The following MRM1 variants were observed in gnomAD, a reference collection of about 807,000 sequenced individuals.
MRM1 encodes rRNA methyltransferase 1, mitochondrial.
A neutral mutation model predicts 25.0 loss-of-function variants in MRM1; 24 were observed. The ratio of observed to expected loss-of-function variants is 0.96; its 90% CI spans 0.69 to 1.35. The LOEUF (loss-of-function observed/expected upper bound fraction) is 1.35. Among genes scored for constraint, MRM1 ranks in the 40% most tolerant of loss-of-function variants. The pLI is 0.00. For synonymous variants in MRM1, 188 were observed against 199.2 expected (o/e 0.94, Z 0.47); for missense variants, 431 against 464.1 (o/e 0.93, Z 0.65).
At position 36,602,635 on chromosome 17, in the gene MRM1, G is replaced by A. The variant is rs749460262; in HGVS notation, c.625G>A (p.Gly209Arg). 1.1e-4 allele frequency: 178 copies of A among 1,614,150 alleles called. No homozygotes were observed. Among genetic ancestry groups the A allele is most frequent in the Non-Finnish European group, 1.4e-4 (167 of 1,180,006 alleles). The change falls in exon 2 of 5, where the codon GGA (glycine) becomes AGA (arginine). Residue 209 changes from glycine to arginine, a missense_variant. Gly to Arg is a moderately radical substitution (Grantham distance 125). Transcript: ENST00000614766. The surrounding 1 kb of genome is among the most constrained non-coding windows in gnomAD (Gnocchi z 4.1). The stretch of plus-strand genomic sequence containing the variant: ...CGTGTTCTCCACTGATGACCTCACC[G>A]GATTTTTACAGGTAATGAGGGGCAA... ...MDVFSTDDLT[G>R]FLQTKAQQGW...
Position 36,606,910 on chromosome 17 carries a change from T to TG in MRM1, c.637-760_637-759insG, listed in dbSNP as rs2074934227. On this transcript the variant is annotated intron_variant, in intron 2 of 4. Coordinates refer to ENST00000614766, the MANE Select transcript of MRM1 (RefSeq NM_024864.5). Reference sequence around the variant, plus strand: ...ACAGGCGTGAGCTACTGCGCCTGGTTTTTTGTTTTTTTTTTTAATTTGAGA... The same window carrying TG: ...ACAGGCGTGAGCTACTGCGCCTGGTTGTTTTGTTTTTTTTTTTAATTTGAGA... Among the ~76,000 whole-genome samples, 5 of 139,534 alleles carry TG rather than the reference T, an allele frequency of 3.6e-5. No homozygotes were observed. The South Asian group carries it at 1.2e-3, about 34-fold the overall frequency. The allele number at this position is 139,534 out of a possible 152,430, so 91.5% of individuals were successfully genotyped here.
chr17:36,608,164 G>C, intron 4 of MRM1, 79 bp from the exon 5 acceptor site: 1 of 1,518,248 alleles, frequency 6.6e-7, no homozygotes, highest in South Asian at 1.3e-5. Context: ...GATGAGATGA[G>C]GGGCTGCCTG....
chr17:36,616,795 A>G, the MRM1 span, among the ~76,000 whole-genome samples: 7 of 152,138 alleles, frequency 4.6e-5, no homozygotes, highest in African/African-American at 1.7e-4. Flanking sequence ...CAGTGATGCA[A>G]TCATAGCTCA....
At chr17:36,615,255 T>C in the MRM1 span, among the ~76,000 whole-genome samples, 53,949 of 152,108 alleles carry the variant, frequency 0.35, 11,516 homozygotes, top group African/African-American at 0.61. Flanking sequence ...CTCTCTGCAG[T>C]CTGGCCCTTC....
Position 36,601,861 on chromosome 17 carries a change from C to G in MRM1, c.51C>G (p.Thr17=), listed in dbSNP as rs150494595. The G allele has an allele frequency of 1.2e-6, 2 of 1,601,202 alleles. No individual in the cohort carries two copies. The highest frequency in any genetic ancestry group is 1.7e-6 in the Non-Finnish European group (2 of 1,175,306). ...GCGCGACCTGGGGTCGCCTCGTCAC[C>G]CGTCATTTCTCCCATGCAGCGCGGC... ...VRGATWGRLV[T]RHFSHAARHG... The change falls in exon 1 of 5, where the codon ACC becomes ACG. Residue 17 remains threonine (T), a synonymous_variant. Transcript: ENST00000614766.
chr17:36,633,089 C>T, the MRM1 span, among the ~76,000 whole-genome samples: 14 of 152,330 alleles, frequency 9.2e-5, no homozygotes, highest in South Asian at 4.1e-4. Flanking sequence ...CTTGAATCCC[C>T]GATTTGCTTT....
Position 36,601,890 on chromosome 17 carries a change from G to C in MRM1, c.80G>C (p.Gly27Ala). 6.2e-7 allele frequency: 1 copy of C among 1,610,546 alleles called. No homozygotes were observed. The highest frequency in any genetic ancestry group is 1.1e-5 in the South Asian group (1 of 90,988). Reference sequence around the variant, plus strand: ...CATTTCTCCCATGCAGCGCGGCATGGGGAGCGGCCTGGTGGGGAGGAGCTA... The same window carrying C: ...CATTTCTCCCATGCAGCGCGGCATGCGGAGCGGCCTGGTGGGGAGGAGCTA... ...TRHFSHAARH[G>A]ERPGGEELSR... Residue 27 changes from glycine (G) to alanine (A), a missense_variant, in exon 1 of 5, where the codon GGG (glycine) becomes GCG (alanine). By Grantham distance (60) the Gly-to-Ala change is moderately conservative (BLOSUM62 0). Transcript: ENST00000614766.
the MRM1 span, among the ~76,000 whole-genome samples, chr17:36,623,935 C>T: frequency 6.6e-6 from 1 of 152,256 alleles, no homozygotes; most frequent in Non-Finnish European, 1.5e-5. Context: ...AGATCCCATG[C>T]ACCGTCTTCC....
the MRM1 span, among the ~76,000 whole-genome samples, chr17:36,631,687 A>G: frequency 6.6e-6 from 1 of 152,186 alleles, no homozygotes; most frequent in South Asian, 2.1e-4. Context: ...CTGGCAGTTC[A>G]TGTTAGGAGT....
intron 2 of MRM1, among the ~76,000 whole-genome samples, chr17:36,603,717 T>G (rs2074903431): frequency 6.6e-6 from 1 of 152,216 alleles, no homozygotes; most frequent in Non-Finnish European, 1.5e-5. Context: ...ATATTATTAA[T>G]GAAATATTTT....
the MRM1 span, among the ~76,000 whole-genome samples, chr17:36,630,404 G>A: frequency 1.3e-5 from 2 of 152,174 alleles, no homozygotes; most frequent in African/African-American, 2.4e-5. Flanking sequence ...TGACTGCTCC[G>A]CTTGCCCGCT....
the MRM1 span, among the ~76,000 whole-genome samples, chr17:36,622,566 C>A: frequency 6.9e-6 from 1 of 145,726 alleles, no homozygotes; most frequent in Non-Finnish European, 1.5e-5. Flanking sequence ...AGCAAGACTC[C>A]GTCTCAAAAA....
chr17:36,630,896 C>T, the MRM1 span, among the ~76,000 whole-genome samples: 50 of 152,104 alleles, frequency 3.3e-4, no homozygotes, highest in Admixed American at 2.1e-3. Flanking sequence ...TGCTGGGACT[C>T]GGGGGCCCAG....
chr17:36,602,127 A>G lies in MRM1; in HGVS notation c.317A>G (p.Lys106Arg). The change falls in exon 1 of 5, where the codon AAA becomes AGA. Residue 106 changes from lysine to arginine, a missense_variant. Physicochemically the swap from Lys to Arg is conservative, Grantham distance 26. Coordinates refer to ENST00000614766, the MANE Select transcript of MRM1 (RefSeq NM_024864.5). The surrounding 1 kb of genome is among the most constrained non-coding windows in gnomAD (Gnocchi z 4.1). ...DIPVLRPRRQKLDTMCRYQVH... is the reference protein window; with the variant it reads ...DIPVLRPRRQRLDTMCRYQVH... ...CCAGTTCTGCGGCCCAGACGGCAGA[A>G]ACTGGACACAATGTGCCGCTACCAG... 6.2e-7 allele frequency: 1 copy of G among 1,612,720 alleles called. No homozygotes were observed. The highest frequency in any genetic ancestry group is 1.3e-5 in the African/African-American group (1 of 74,920).
the MRM1 span, among the ~76,000 whole-genome samples, chr17:36,615,769 G>A: frequency 1.3e-5 from 2 of 152,244 alleles, no homozygotes; most frequent in South Asian, 2.1e-4. Flanking sequence ...GCCGAGGCAG[G>A]TGGATCACCT....
the MRM1 span, among the ~76,000 whole-genome samples, chr17:36,620,112 T>C: frequency 6.6e-6 from 1 of 152,208 alleles, no homozygotes; most frequent in Non-Finnish European, 1.5e-5. Flanking sequence ...TTATCAGTTA[T>C]AAGATTTGCT....
At chr17:36,621,576 A>ACCAGC in the MRM1 span, among the ~76,000 whole-genome samples, 1 of 151,814 alleles carries the variant, frequency 6.6e-6, no homozygotes, top group African/African-American at 2.4e-5. Flanking sequence ...CCCCACAACC[A>ACCAGC]CCAGCCCAGC....
At chr17:36,623,823 A>T in the MRM1 span, among the ~76,000 whole-genome samples, 1 of 152,146 alleles carries the variant, frequency 6.6e-6, no homozygotes, top group African/African-American at 2.4e-5. Flanking sequence ...AGTGGGCCAG[A>T]TTCATTCCCT....
chr17:36,609,179 G>C (rs1047181959), downstream of MRM1, among the ~76,000 whole-genome samples: 4 of 152,224 alleles, frequency 2.6e-5, no homozygotes, highest in African/African-American at 9.6e-5. Context: ...CAGGCTTGCC[G>C]TTGATTGTAC....
Sources: gnomAD v4.1 joint callset for allele counts (sites outside exome capture counted in the v4.1 genomes callset) on GRCh38, gnomAD v4.1.1 for gene constraint, Gnocchi (gnomAD v3.1) non-coding constraint, MANE v1.5 for transcripts, NCBI Gene and HGNC (gene_info 2026-07-23, HGNC 2026-07-21) for gene names.